Variants in VTI1B observed in about 807,000 individuals in gnomAD.
The protein encoded by VTI1B is vesicle transport through interaction with t-SNAREs 1B, also known as vesicle transport through interaction with t-SNAREs homolog 1B.
In VTI1B, 18 loss-of-function variants were observed where a neutral mutation model predicts 28.6. That is an observed-to-expected ratio of 0.63 (90% CI 0.43 to 0.93). The LOEUF (loss-of-function observed/expected upper bound fraction) is 0.93, where lower values mean the gene tolerates loss of function less well. VTI1B is among the 40% of genes least tolerant of loss of function. VTI1B has a pLI of 0.00. For missense variants in VTI1B, 283 were observed against 297.0 expected (o/e 0.95, Z 0.35); for synonymous variants, 100 against 107.9 (o/e 0.93, Z 0.46).
At position 67,648,271 on chromosome 14, in the gene VTI1B, C is replaced by T; in HGVS notation, c.*3114G>A. ...CTGCAAAGGATCTTTTCTGCTATTC[C>T]ACATCATTGCAGAGTTTGTTTTTGC... On this transcript the variant is annotated 3_prime_UTR_variant, in exon 6 of 6. Transcript: ENST00000554659. The T allele has an allele frequency of 7.0e-7, 1 of 1,429,032 alleles. No homozygotes were observed. 88.5% of individuals were successfully genotyped at this position (1,429,032 alleles called of 1,614,324 possible). A position where few individuals can be genotyped will look rare whatever the true frequency, so the allele number is the denominator to read the frequency against.
At chr14:67,663,812 TGGTTA>T (rs966774441) in intron 1 of VTI1B, among the ~76,000 whole-genome samples, 79 of 152,340 alleles carry the variant, frequency 5.2e-4, no homozygotes, top group African/African-American at 1.7e-3. Flanking sequence ...GCACCTTTTC[TGGTTA>T]GTCAGCGGGG....
At chr14:67,673,242 G>A (rs1268874692) in intron 1 of VTI1B, among the ~76,000 whole-genome samples, 1 of 152,126 alleles carries the variant, frequency 6.6e-6, no homozygotes, top group Non-Finnish European at 1.5e-5. Flanking sequence ...TACTCCAGAG[G>A]CTGAGGCAGG....
Position 67,649,816 on chromosome 14 carries a change from T to A in VTI1B, c.*1569A>T, listed in dbSNP as rs2037149036. 1.3e-5 allele frequency: 2 copies of A among 152,230 alleles called. No individual in the cohort carries two copies. Among genetic ancestry groups the A allele is most frequent in the Admixed American group, 1.3e-4 (2 of 15,282 alleles). 9.4% of individuals were successfully genotyped at this position (152,230 alleles called of 1,614,324 possible). On this transcript the variant is annotated 3_prime_UTR_variant, in exon 6 of 6. Coordinates refer to ENST00000554659, the MANE Select transcript of VTI1B (RefSeq NM_006370.3). ...CCAGACTTTATGGCCACCCTAAATA[T>A]TCTTAGATACTTGTATTCCTGAATA... is the stretch of plus-strand genomic sequence containing the variant.
intron 2 of VTI1B, 34 bp from the exon 3 acceptor site, chr14:67,659,956 G>C: frequency 6.3e-7 from 1 of 1,591,520 alleles, no homozygotes. Flanking sequence ...CAGATAGCCT[G>C]GTTCTTCCCT....
chr14:67,674,305 A>C (rs959918743), intron 1 of VTI1B, 70 bp downstream of exon 1: 2 of 1,379,862 alleles, frequency 1.4e-6, no homozygotes, highest in Non-Finnish European at 1.9e-6. Context: ...TCTGGGAGGA[A>C]GGTGGGAGAA....
Position 67,650,627 on chromosome 14 carries a change from T to G in VTI1B, c.*758A>C. 8.2e-7 allele frequency: 1 copy of G among 1,224,586 alleles called. No individual in the cohort carries two copies. Among genetic ancestry groups the G allele is most frequent in the South Asian group, 1.2e-5 (1 of 81,210 alleles). The allele number at this position is 1,224,586 out of a possible 1,614,324, so 75.9% of individuals were successfully genotyped here. A position where few individuals can be genotyped will look rare whatever the true frequency, so the allele number is the denominator to read the frequency against. On this transcript the variant is annotated 3_prime_UTR_variant, in exon 6 of 6. Coordinates refer to ENST00000554659, the MANE Select transcript of VTI1B (RefSeq NM_006370.3). ...ATAAAATGGACTCTTGTTTTTACTT[T>G]GGCTTGTTCTCCCTGTCCCAGTGGG... is the stretch of plus-strand genomic sequence containing the variant.
chr14:67,672,927 T>C (rs762783341), intron 1 of VTI1B, among the ~76,000 whole-genome samples: 1 of 152,232 alleles, frequency 6.6e-6, no homozygotes, highest in East Asian at 1.9e-4. Flanking sequence ...TGGAACTTCC[T>C]GCTCTTCGCT....
rs182596489 is a variant in VTI1B, at chr14:67,670,132, C to A, written c.115+4243G>T. Among the ~76,000 whole-genome samples the A allele has an allele frequency of 5.3e-5, 8 of 152,208 alleles. No homozygotes were observed. The East Asian group carries it at 1.2e-3, about 22-fold the overall frequency. On this transcript the variant is annotated intron_variant, in intron 1 of 5. Coordinates refer to ENST00000554659, the MANE Select transcript of VTI1B (RefSeq NM_006370.3). ...AAATTCCCGTTAGCAAGGTGACTGC[C>A]CAAAAGGCTCTTAACACAGTCCCCT...
rs760042956 is a variant in VTI1B at position 67,653,470 on chromosome 14, T to C, written c.569A>G (p.Lys190Arg). ...RLVNTSENLS[K>R]SRKILRSMSR... ...CATTGAACGGAGAATCTTCCGACTT[T>C]TGCTCAAGTTTTCACTTGTGTTTAC... The change falls in exon 5 of 6, where the codon AAA becomes AGA. Residue 190 changes from lysine to arginine, a missense_variant. Lys to Arg is a conservative substitution (Grantham distance 26). Coordinates refer to ENST00000554659, the MANE Select transcript of VTI1B (RefSeq NM_006370.3). 1 of 1,614,108 alleles carries C rather than the reference T, an allele frequency of 6.2e-7. No individual in the cohort carries two copies. The highest frequency in any genetic ancestry group is 8.5e-7 in the Non-Finnish European group (1 of 1,179,990).
intron 3 of VTI1B, among the ~76,000 whole-genome samples, chr14:67,658,367 G>A (rs2037291963): frequency 1.3e-5 from 2 of 152,076 alleles, no homozygotes; most frequent in Non-Finnish European, 2.9e-5. Context: ...GGCCGAGACG[G>A]GTGGATCACA....
intron 1 of VTI1B, among the ~76,000 whole-genome samples, chr14:67,674,135 GA>G (rs2037503030): frequency 6.6e-6 from 1 of 152,174 alleles, no homozygotes; most frequent in Non-Finnish European, 1.5e-5. Context: ...TTGCCACAGT[GA>G]AAAAAGATGA....
chr14:67,669,644 A>T (rs2037442788), intron 1 of VTI1B, among the ~76,000 whole-genome samples: 1 of 152,100 alleles, frequency 6.6e-6, no homozygotes, highest in Non-Finnish European at 1.5e-5. Context: ...TTCTACAGGT[A>T]CCTTTGATAT....
intron 3 of VTI1B, among the ~76,000 whole-genome samples, chr14:67,657,685 A>G (rs116046209): frequency 0.093 from 14,077 of 151,792 alleles, 685 homozygotes; most frequent in Middle Eastern, 0.2. Context: ...CACTGGCAGT[A>G]GGACCATCAA....
intron 1 of VTI1B, among the ~76,000 whole-genome samples, chr14:67,672,265 T>C (rs926605584): frequency 1.3e-5 from 2 of 150,476 alleles, no homozygotes; most frequent in Non-Finnish European, 3.0e-5. Context: ...ACTACAGGCA[T>C]GCACCACCAT....
At position 67,647,491 on chromosome 14, in the gene VTI1B, T is replaced by C. The variant is rs1420519579; in HGVS notation, c.*3894A>G. On this transcript the variant is annotated 3_prime_UTR_variant, in exon 6 of 6. Transcript: ENST00000554659. Reference sequence around the variant, plus strand: ...AGAATTGTTATCTGGTAGTATGTCATTTCATAAGCTGTTAAGAAACTTAGT... The same window carrying C: ...AGAATTGTTATCTGGTAGTATGTCACTTCATAAGCTGTTAAGAAACTTAGT... 1 of 157,392 alleles carries C rather than the reference T, an allele frequency of 6.4e-6. No individual in the cohort carries two copies. The highest frequency in any genetic ancestry group is 1.4e-5 in the Non-Finnish European group (1 of 71,656). 9.7% of individuals were successfully genotyped at this position (157,392 alleles called of 1,614,324 possible).
At position 67,647,100 on chromosome 14, in the gene VTI1B, A is replaced by G; in HGVS notation, c.*4285T>C. The G allele has an allele frequency of 1.0e-6, 1 of 964,024 alleles. No homozygotes were observed. Among genetic ancestry groups the G allele is most frequent in the African/African-American group, 1.6e-5 (1 of 61,064 alleles). The allele number at this position is 964,024 out of a possible 1,614,324, so 59.7% of individuals were successfully genotyped here. ...TTTTAGCCTGTTTCTTGAGGACAGCAGCTTTACTTTTAAAATACAAAGCAA... is the reference window on the plus strand; with the variant it reads ...TTTTAGCCTGTTTCTTGAGGACAGCGGCTTTACTTTTAAAATACAAAGCAA... On this transcript the variant is annotated 3_prime_UTR_variant, in exon 6 of 6. Transcript: ENST00000554659.
intron 1 of VTI1B, among the ~76,000 whole-genome samples, chr14:67,664,264 C>A (rs2140834784): frequency 6.6e-6 from 1 of 152,282 alleles, no homozygotes; most frequent in East Asian, 1.9e-4. Flanking sequence ...TCCTCTCAAA[C>A]TGAAATTCCG....
chr14:67,658,004 C>T (rs1371212845), intron 3 of VTI1B, among the ~76,000 whole-genome samples: 1 of 152,172 alleles, frequency 6.6e-6, no homozygotes, highest in Non-Finnish European at 1.5e-5. Context: ...CAGCCTCAGC[C>T]TCCCAAGGTG....
intron 1 of VTI1B, among the ~76,000 whole-genome samples, chr14:67,666,131 C>T (rs571407579): frequency 2.3e-4 from 35 of 152,326 alleles, no homozygotes; most frequent in Admixed American, 5.9e-4. Context: ...CTGATCCAAG[C>T]CAGACAGTAA....
Sources: allele counts gnomAD v4.1 joint callset (sites outside exome capture counted in the v4.1 genomes callset), GRCh38; gene constraint gnomAD v4.1.1; transcripts MANE v1.5; gene names NCBI Gene and HGNC (gene_info 2026-07-23, HGNC 2026-07-21).